LRRC37A2: variants seen among roughly 807,000 people sequenced by gnomAD.
The protein encoded by LRRC37A2 is leucine rich repeat containing 37 member A2, also known as leucine-rich repeat-containing protein 37A2.
A neutral mutation model predicts 68.8 loss-of-function variants in LRRC37A2; 9 were observed. The ratio of observed to expected loss-of-function variants is 0.13; its 90% confidence interval spans 0.08 to 0.23. The LOEUF is 0.23. Ranked by LOEUF, LRRC37A2 falls within the 10% of genes least tolerant of loss-of-function variation. The probability of loss-of-function intolerance (pLI) is 1.00; values close to 1 mark genes in which losing one functional copy is unlikely to be tolerated. For missense variants in LRRC37A2, 168 were observed against 950.4 expected (o/e 0.18, Z 10.82); for synonymous variants, 63 against 367.6 (o/e 0.17, Z 9.48).
chr17:46,775,725 T>G, the LRRC37A2 span, among the ~76,000 whole-genome samples: 1 of 150,130 alleles, frequency 6.7e-6, no homozygotes, highest in Non-Finnish European at 1.5e-5. Context: ...ACCATTCTCC[T>G]GCCTCAGCCT....
At chr17:46,861,935 A>T in the LRRC37A2 span, among the ~76,000 whole-genome samples, 2 of 152,188 alleles carry the variant, frequency 1.3e-5, no homozygotes, top group South Asian at 4.1e-4. Flanking sequence ...AGGCTGAGGC[A>T]GGTGGATCAC....
the LRRC37A2 span, chr17:46,875,236 G>A: frequency 6.2e-7 from 1 of 1,614,212 alleles, no homozygotes; most frequent in South Asian, 1.1e-5. Context: ...CGGCAGGCCT[G>A]GCAGTGGGGC....
the LRRC37A2 span, among the ~76,000 whole-genome samples, chr17:47,032,686 A>G: frequency 6.6e-6 from 1 of 151,784 alleles, no homozygotes; most frequent in Non-Finnish European, 1.5e-5. Context: ...GAGCACCGGC[A>G]CTGTGTCCAG....
chr17:46,493,037 G>A, the LRRC37A2 span, among the ~76,000 whole-genome samples: 1 of 144,122 alleles, frequency 6.9e-6, no homozygotes, highest in African/African-American at 2.7e-5. Context: ...ATAAGTATAT[G>A]GTGGTAGCTT....
At chr17:46,885,228 A>C in the LRRC37A2 span, 1 of 292,898 alleles carries the variant, frequency 3.4e-6, no homozygotes. Flanking sequence ...CTGGTCTCGA[A>C]CTCCCGACCT....
At chr17:46,709,259 A>AT in the LRRC37A2 span, among the ~76,000 whole-genome samples, 1 of 152,126 alleles carries the variant, frequency 6.6e-6, no homozygotes, top group Non-Finnish European at 1.5e-5. Context: ...TAACTCCAAG[A>AT]TTTTTTTAAC....
chr17:46,928,287 C>G, the LRRC37A2 span, among the ~76,000 whole-genome samples: 1 of 152,168 alleles, frequency 6.6e-6, no homozygotes, highest in South Asian at 2.1e-4. Flanking sequence ...AGACTGGGCA[C>G]AAGCTGAAGC....
the LRRC37A2 span, among the ~76,000 whole-genome samples, chr17:46,825,577 A>G: frequency 2.0e-5 from 3 of 152,216 alleles, no homozygotes. Flanking sequence ...CCATTTCTTC[A>G]ACGCATCTTC....
the LRRC37A2 span, among the ~76,000 whole-genome samples, chr17:46,908,383 G>T: frequency 1.3e-5 from 2 of 152,104 alleles, no homozygotes; most frequent in Non-Finnish European, 2.9e-5. Flanking sequence ...CAAAATGATC[G>T]CCATTAATGC....
chr17:46,981,448 T>A, the LRRC37A2 span, among the ~76,000 whole-genome samples: 2 of 152,224 alleles, frequency 1.3e-5, no homozygotes, highest in African/African-American at 4.8e-5. Context: ...CTCTTCTCTT[T>A]CTGGCATGTG....
rs2055241313 is a variant in LRRC37A2, at chr17:46,541,171, C to T, written c.3053+290C>T. Among the ~76,000 whole-genome samples the T allele has an allele frequency of 4.2e-5, 6 of 143,588 alleles. No homozygotes were observed. In the South Asian group the frequency reaches 1.3e-3, roughly 31 times the overall value. 94.2% of individuals were successfully genotyped at this position (143,588 alleles called of 152,430 possible). On this transcript the variant is annotated intron_variant, in intron 8 of 14. Transcript: ENST00000576629. Reference sequence around the variant, plus strand: ...TACTAATCTGATTTCTGTTCCTATACTTTTGCCTTTTCCAGAATGTCTTAT... The same window carrying T: ...TACTAATCTGATTTCTGTTCCTATATTTTTGCCTTTTCCAGAATGTCTTAT...
the LRRC37A2 span, among the ~76,000 whole-genome samples, chr17:46,952,444 C>T: frequency 6.6e-6 from 1 of 152,232 alleles, no homozygotes; most frequent in Non-Finnish European, 1.5e-5. Context: ...CTACACGCCA[C>T]TTTTGTTGAT....
the LRRC37A2 span, among the ~76,000 whole-genome samples, chr17:46,969,298 T>G: frequency 6.6e-6 from 1 of 152,240 alleles, no homozygotes; most frequent in East Asian, 1.9e-4. Context: ...TCCCTGGTCC[T>G]TGTGCCCCCT....
chr17:46,973,726 A>G, the LRRC37A2 span, among the ~76,000 whole-genome samples: 2 of 152,126 alleles, frequency 1.3e-5, no homozygotes, highest in East Asian at 1.9e-4. Flanking sequence ...ACAAGAAAGA[A>G]TCTTGCTTTC....
At chr17:46,532,308 T>C (rs1392076184) in intron 6 of LRRC37A2, among the ~76,000 whole-genome samples, 1 of 150,270 alleles carries the variant, frequency 6.7e-6, no homozygotes, top group Admixed American at 6.6e-5. Flanking sequence ...AATACTCCGT[T>C]GAATTTGGTT....
chr17:47,030,986 C>A, the LRRC37A2 span, among the ~76,000 whole-genome samples: 5 of 151,774 alleles, frequency 3.3e-5, no homozygotes, highest in African/African-American at 1.2e-4. Flanking sequence ...CTGGGAGGGC[C>A]CCTGGAAATT....
the LRRC37A2 span, among the ~76,000 whole-genome samples, chr17:46,883,430 G>A: frequency 2.5e-4 from 38 of 150,502 alleles, no homozygotes; most frequent in East Asian, 2.8e-3. Context: ...GATTACAGGC[G>A]CCTACCCCAC....
chr17:46,940,934 G>A, the LRRC37A2 span: 1 of 1,288,736 alleles, frequency 7.8e-7, no homozygotes, highest in Non-Finnish European at 9.9e-7. Flanking sequence ...AATAGACCTT[G>A]GCCTAACAGT....
In LRRC37A2 at chr17:46,533,500, T is replaced by C. The variant is rs552464548; in HGVS notation, c.2907-6676T>C. ...GCATTATGTAAGTATCTTTTTCTTT[T>C]TTTTTTTTTTCTTTATTTTGGGACA... On this transcript the variant is annotated intron_variant, in intron 6 of 14. Transcript: ENST00000576629. Among the ~76,000 whole-genome samples, 3 of 147,210 alleles carry C rather than the reference T, an allele frequency of 2.0e-5. No individual in the cohort carries two copies. The South Asian group carries it at 6.4e-4, about 31-fold the overall frequency.
Sources: gnomAD v4.1 joint callset for allele counts (sites outside exome capture counted in the v4.1 genomes callset) on GRCh38, gnomAD v4.1.1 for gene constraint, MANE v1.5 for transcripts, NCBI Gene and HGNC (gene_info 2026-07-23, HGNC 2026-07-21) for gene names.